Variants in PHACTR3 observed in about 807,000 individuals in gnomAD.
The protein encoded by PHACTR3 is phosphatase and actin regulator 3.
Under a neutral mutation model 66.8 loss-of-function variants are expected in PHACTR3, and 16 were observed. The observed-to-expected ratio is 0.24, with a 90% CI of 0.16 to 0.36. The LOEUF (loss-of-function observed/expected upper bound fraction) is 0.36. PHACTR3 is among the 10% of genes least tolerant of loss of function. The pLI, the probability that PHACTR3 is intolerant of heterozygous loss-of-function variation, is 1.00. For missense variants in PHACTR3, 647 were observed against 719.9 expected (o/e 0.90, Z 1.16); for synonymous variants, 323 against 292.1 (o/e 1.11, Z -1.08).
intron 5 of PHACTR3, among the ~76,000 whole-genome samples, chr20:59,770,171 G>T (rs2040314709): frequency 6.6e-6 from 1 of 152,198 alleles, no homozygotes; most frequent in Admixed American, 6.5e-5. Flanking sequence ...GACACTTCTG[G>T]CTTCCGCCCT....
chr20:59,694,287 G>C (rs1212552531), intron 1 of PHACTR3, among the ~76,000 whole-genome samples: 2 of 152,076 alleles, frequency 1.3e-5, no homozygotes, highest in Non-Finnish European at 2.9e-5. Context: ...TTTGGCTTCT[G>C]TCTCCCTCTG....
intron 1 of PHACTR3, among the ~76,000 whole-genome samples, chr20:59,670,609 G>GGA (rs2036160526): frequency 1.5e-5 from 2 of 136,692 alleles, no homozygotes; most frequent in Non-Finnish European, 1.6e-5. Flanking sequence ...CGGGGGTGGG[G>GGA]GGGGGGGGCA....
chr20:59,825,550 A>G (rs1342085751), intron 8 of PHACTR3, among the ~76,000 whole-genome samples: 4 of 152,202 alleles, frequency 2.6e-5, no homozygotes, highest in Non-Finnish European at 5.9e-5. Flanking sequence ...AGTTCTTACC[A>G]TTGAGGTACT....
Position 59,652,512 on chromosome 20 carries a change from T to C in PHACTR3, c.118+47380T>C, listed in dbSNP as rs184250388. ...GCTGTAGTGAGGTATGATTGCACTT[T>C]GTGCCACTGCACTCCAGCCTGGGCA... On this transcript the variant is annotated intron_variant, in intron 1 of 12. Transcript: ENST00000371015. 4.6e-3 allele frequency among the ~76,000 whole-genome samples: 693 copies of C among 152,298 alleles called. 7 individuals carry two copies. Among genetic ancestry groups the C allele is most frequent in the Non-Finnish European group, 5.7e-3 (390 of 68,024 alleles).
chr20:59,661,936 G>T (rs975204857), intron 1 of PHACTR3, among the ~76,000 whole-genome samples: 4 of 152,134 alleles, frequency 2.6e-5, no homozygotes, highest in African/African-American at 9.7e-5. Flanking sequence ...TCTCCTTGTG[G>T]GATGCCTTGG....
At chr20:59,707,090 G>A (rs892626097) in intron 1 of PHACTR3, among the ~76,000 whole-genome samples, 3 of 152,186 alleles carry the variant, frequency 2.0e-5, no homozygotes, top group Admixed American at 6.5e-5. Context: ...TTGGTTCACC[G>A]AGCTGAAAAG....
intron 4 of PHACTR3, among the ~76,000 whole-genome samples, chr20:59,761,850 G>T (rs910212007): frequency 1.3e-5 from 2 of 152,228 alleles, no homozygotes; most frequent in African/African-American, 4.8e-5. Flanking sequence ...GAAGCTTCTG[G>T]TTGAGACTGC....
At position 59,736,397 on chromosome 20, in the gene PHACTR3, G is replaced by A. The variant is rs915270439; in HGVS notation, c.119-6710G>A. On this transcript the variant is annotated intron_variant, in intron 1 of 12. Coordinates refer to ENST00000371015, the MANE Select transcript of PHACTR3 (RefSeq NM_080672.5). This position sits in a 1 kb window ranked among gnomAD's most constrained non-coding sequence, Gnocchi z 4.6. The stretch of plus-strand genomic sequence containing the variant: ...GAGAGAATTCCTGGAGTGGGGGGAG[G>A]TGCTCCCATCTGTCCCTTCCCTCTG... 1.3e-5 allele frequency among the ~76,000 whole-genome samples: 2 copies of A among 152,066 alleles called. No homozygotes were observed. The highest frequency in any genetic ancestry group is 2.9e-5 in the Non-Finnish European group (2 of 67,980).
intron 1 of PHACTR3, among the ~76,000 whole-genome samples, chr20:59,596,094 C>A (rs1271444203): frequency 6.6e-6 from 1 of 152,180 alleles, no homozygotes; most frequent in Non-Finnish European, 1.5e-5. Context: ...TAGCTATTCT[C>A]TGCAGTCTAA....
intron 1 of PHACTR3, among the ~76,000 whole-genome samples, chr20:59,655,521 A>G (rs1374777686): frequency 6.6e-6 from 1 of 151,838 alleles, no homozygotes. Context: ...TCTTGATTTT[A>G]GTAATTTGAG....
intron 1 of PHACTR3, among the ~76,000 whole-genome samples, chr20:59,640,689 C>A (rs2035071025): frequency 6.6e-6 from 1 of 152,100 alleles, no homozygotes; most frequent in African/African-American, 2.4e-5. Context: ...ATGGGGAGAA[C>A]CTAAGTCTTG....
intron 5 of PHACTR3, among the ~76,000 whole-genome samples, chr20:59,768,943 C>T (rs2040274901): frequency 6.6e-6 from 1 of 152,216 alleles, no homozygotes; most frequent in Admixed American, 6.5e-5. Flanking sequence ...GGCTGTGGTG[C>T]CCTGTGGTTC....
intron 1 of PHACTR3, among the ~76,000 whole-genome samples, chr20:59,618,039 G>A (rs977043021): frequency 6.6e-6 from 1 of 152,234 alleles, no homozygotes; most frequent in African/African-American, 2.4e-5. Flanking sequence ...GCATATCTGG[G>A]GATCTGAGGG....
At chr20:59,689,154 C>T (rs552556181) in intron 1 of PHACTR3, among the ~76,000 whole-genome samples, 4 of 152,268 alleles carry the variant, frequency 2.6e-5, no homozygotes, top group East Asian at 3.9e-4. Context: ...AGAGTTGCCA[C>T]GTGGATTTGC....
At chr20:59,650,423 A>G (rs762258123) in intron 1 of PHACTR3, among the ~76,000 whole-genome samples, 2 of 152,106 alleles carry the variant, frequency 1.3e-5, no homozygotes, top group African/African-American at 2.4e-5. Context: ...AGTGAAAGTA[A>G]ATTTTCCCAT....
In PHACTR3 at chr20:59,761,571, C is replaced by T. The variant is rs113878600; in HGVS notation, c.542-5615C>T. Reference sequence around the variant, plus strand: ...AGCCCTCTTGAGGCAAGTGGCAGGGCAGAGTTTTTCCTCTTGTTTAAGTTC... The same window carrying T: ...AGCCCTCTTGAGGCAAGTGGCAGGGTAGAGTTTTTCCTCTTGTTTAAGTTC... On this transcript the variant is annotated intron_variant, in intron 4 of 12. Transcript: ENST00000371015. Among the ~76,000 whole-genome samples, 303 of 152,344 alleles carry T rather than the reference C, an allele frequency of 2.0e-3. 5 individuals carry two copies. Among genetic ancestry groups the T allele is most frequent in the African/African-American group, 6.9e-3 (287 of 41,582 alleles).
chr20:59,689,662 A>G (rs2037034303), intron 1 of PHACTR3, among the ~76,000 whole-genome samples: 1 of 152,168 alleles, frequency 6.6e-6, no homozygotes, highest in Non-Finnish European at 1.5e-5. Flanking sequence ...TCATAAAGGA[A>G]ACTGAGGCCT....
At chr20:59,800,811 A>G (rs1404185765) in intron 7 of PHACTR3, among the ~76,000 whole-genome samples, 1 of 152,222 alleles carries the variant, frequency 6.6e-6, no homozygotes, top group Admixed American at 6.5e-5. Flanking sequence ...TTACTTGAAA[A>G]TAGTCTAATT....
chr20:59,831,339 C>T (rs901807255), intron 8 of PHACTR3, among the ~76,000 whole-genome samples: 1 of 152,186 alleles, frequency 6.6e-6, no homozygotes, highest in African/African-American at 2.4e-5. Context: ...TCATCCCCAC[C>T]TCTCGTGTGT....
Sources: allele counts gnomAD v4.1 joint callset (sites outside exome capture counted in the v4.1 genomes callset), GRCh38; gene constraint gnomAD v4.1.1; non-coding constraint Gnocchi (gnomAD v3.1); transcripts MANE v1.5; gene names NCBI Gene and HGNC (gene_info 2026-07-23, HGNC 2026-07-21).